PRKAR1A: variants seen among roughly 807,000 people sequenced by gnomAD.
The protein encoded by PRKAR1A is protein kinase cAMP-dependent type I regulatory subunit alpha.
Under a neutral mutation model 52.0 loss-of-function variants are expected in PRKAR1A, and 3 were observed. The ratio of observed to expected loss-of-function variants is 0.06; its 90% confidence interval spans 0.03 to 0.15. The LOEUF (loss-of-function observed/expected upper bound fraction) is 0.15, where lower values mean the gene tolerates loss of function less well. Among genes scored for constraint, PRKAR1A ranks in the 10% least tolerant of loss-of-function variants. The pLI, the probability that PRKAR1A is intolerant of heterozygous loss-of-function variation, is 1.00. For missense variants in PRKAR1A, 240 were observed against 477.4 expected, an observed-to-expected ratio of 0.50 and a Z score of 4.63; for synonymous variants, 188 against 168.4, an observed-to-expected ratio of 1.12 and a Z score of -0.90.
At chr17:68,441,926 A>T in the PRKAR1A span, among the ~76,000 whole-genome samples, 2 of 152,174 alleles carry the variant, frequency 1.3e-5, no homozygotes, top group African/African-American at 4.8e-5. Context: ...TACTCAACCT[A>T]TCCCTGGATC....
chr17:68,448,276 GA>G, the PRKAR1A span: 4 of 152,184 alleles, frequency 2.6e-5, no homozygotes, highest in African/African-American at 9.7e-5. Context: ...AAAGTTTTAA[GA>G]AAAGCAAACC....
At chr17:68,417,733 A>ATTT in the PRKAR1A span, among the ~76,000 whole-genome samples, 8,603 of 60,676 alleles carry the variant, frequency 0.14, 2,625 homozygotes, top group Admixed American at 0.22. Context: ...GAGTTGCTGA[A>ATTT]TTTTTTTTTT....
chr17:68,488,469 T>C, the PRKAR1A span, among the ~76,000 whole-genome samples: 1 of 152,040 alleles, frequency 6.6e-6, no homozygotes, highest in Admixed American at 6.5e-5. Context: ...GGCTCATGCC[T>C]GTCATCGCAG....
chr17:68,429,317 G>A, the PRKAR1A span, among the ~76,000 whole-genome samples: 10 of 152,160 alleles, frequency 6.6e-5, no homozygotes, highest in Admixed American at 5.9e-4. Context: ...TTGCTGGTTA[G>A]TTTTGTGAAA....
chr17:68,530,241 A>T lies in PRKAR1A; in HGVS notation c.974-36A>T, dbSNP rs756017982. 3.7e-6 allele frequency: 6 copies of T among 1,610,742 alleles called. No individual in the cohort carries two copies. In the South Asian group the frequency reaches 6.6e-5, roughly 18 times the overall value. ...ACTGCTTTAAGGAAATGTTTTTCATAGAAGTTAGCCTGTTACCCATCTTTG... is the reference window on the plus strand; with the variant it reads ...ACTGCTTTAAGGAAATGTTTTTCATTGAAGTTAGCCTGTTACCCATCTTTG... On this transcript the variant is annotated intron_variant, in intron 10 of 10. Coordinates refer to ENST00000589228, the MANE Select transcript of PRKAR1A (RefSeq NM_002734.5).
intron 2 of PRKAR1A, among the ~76,000 whole-genome samples, chr17:68,520,086 G>C (rs1211477003): frequency 6.6e-6 from 1 of 152,198 alleles, no homozygotes; most frequent in African/African-American, 2.4e-5. Context: ...TTGTTCTGGG[G>C]CTGAGCAGAA....
At chr17:68,420,217 G>A in the PRKAR1A span, 17 of 1,613,862 alleles carry the variant, frequency 1.1e-5, no homozygotes, top group South Asian at 5.5e-5. Flanking sequence ...ATGGGAGCAC[G>A]GGGCCTGAGC....
the PRKAR1A span, among the ~76,000 whole-genome samples, chr17:68,442,161 T>C: frequency 6.6e-6 from 1 of 152,102 alleles, no homozygotes. Context: ...CTATATTTGC[T>C]AAAAAATAAG....
At chr17:68,503,491 G>A in the PRKAR1A span, among the ~76,000 whole-genome samples, 1 of 152,082 alleles carries the variant, frequency 6.6e-6, no homozygotes. Context: ...CTATACAGTG[G>A]AATATTATTC....
downstream of PRKAR1A, chr17:68,537,681 G>T (rs1200474965): frequency 1.2e-6 from 2 of 1,613,604 alleles, no homozygotes; most frequent in Middle Eastern, 1.6e-4. This position sits in a 1 kb window ranked among gnomAD's most constrained non-coding sequence, Gnocchi z 4.2. Flanking sequence ...GCATCACATC[G>T]CTGAGTCTGT....
At chr17:68,444,396 A>G in the PRKAR1A span, 62 of 1,107,342 alleles carry the variant, frequency 5.6e-5, no homozygotes, top group East Asian at 1.5e-3. Context: ...AAAAGCAAAC[A>G]CTGCTTCACG....
chr17:68,534,545 G>A (rs987743057), downstream of PRKAR1A, among the ~76,000 whole-genome samples: 1 of 142,952 alleles, frequency 7.0e-6, no homozygotes, highest in African/African-American at 2.6e-5. Flanking sequence ...TCCTTTTCTT[G>A]GGTCTTTTTA....
chr17:68,454,253 G>A, the PRKAR1A span, among the ~76,000 whole-genome samples: 10 of 152,110 alleles, frequency 6.6e-5, no homozygotes, highest in South Asian at 2.1e-4. Context: ...AATCTGACCC[G>A]GAGCACACTC....
downstream of PRKAR1A, chr17:68,536,453 CA>C (rs2086098754): frequency 2.2e-6 from 1 of 453,966 alleles, no homozygotes; most frequent in Non-Finnish European, 4.4e-6. Flanking sequence ...GTAGAGGAGA[CA>C]AGGAATCCCT....
rs1423651244 is a variant in PRKAR1A, at chr17:68,528,512, A to C, written c.770-358A>C. 1.3e-5 allele frequency: 3 copies of C among 235,464 alleles called. No individual in the cohort carries two copies. In the East Asian group the frequency reaches 2.9e-4, roughly 22 times the overall value. The allele number at this position is 235,464 out of a possible 1,614,324, so 14.6% of individuals were successfully genotyped here. On this transcript the variant is annotated intron_variant, in intron 8 of 10. Coordinates refer to ENST00000589228, the MANE Select transcript of PRKAR1A (RefSeq NM_002734.5). ...ATTATTTCTATGAAACTTTGGAACG[A>C]TATGGATGGGGAAACTATGACTTTT...
At chr17:68,515,798 TG>T in intron 2 of PRKAR1A, 1 of 590,262 alleles carries the variant, frequency 1.7e-6, no homozygotes, top group Non-Finnish European at 2.9e-6. Context: ...TAACTGTACT[TG>T]GCTAATAAAG....
At chr17:68,529,648 C>T (rs1192919105) in intron 9 of PRKAR1A, among the ~76,000 whole-genome samples, 7 of 152,268 alleles carry the variant, frequency 4.6e-5, no homozygotes, top group South Asian at 4.1e-4. Context: ...GTTTGATTTG[C>T]GAAAGAGACA....
the PRKAR1A span, chr17:68,420,079 T>A: frequency 7.9e-7 from 1 of 1,264,866 alleles, no homozygotes. Flanking sequence ...ATTGGAACAT[T>A]TGGTTATCTG....
downstream of PRKAR1A, chr17:68,535,857 T>C (rs950017042): frequency 3.1e-5 from 14 of 453,810 alleles, no homozygotes; most frequent in Admixed American, 1.4e-4. Context: ...GGTGGGATAC[T>C]GTTGGGTTTT....
Sources: allele counts gnomAD v4.1 joint callset (sites outside exome capture counted in the v4.1 genomes callset), GRCh38; gene constraint gnomAD v4.1.1; non-coding constraint Gnocchi (gnomAD v3.1); transcripts MANE v1.5; gene names NCBI Gene and HGNC (gene_info 2026-07-23, HGNC 2026-07-21).